PDPR: variants seen among roughly 807,000 people sequenced by gnomAD.
PDPR encodes pyruvate dehydrogenase phosphatase regulatory subunit.
PDPR carries 50 observed loss-of-function variants against 102.2 expected under a neutral mutation model. The ratio of observed to expected loss-of-function variants is 0.49; its 90% confidence interval spans 0.39 to 0.62. The LOEUF (loss-of-function observed/expected upper bound fraction) is 0.62, where lower values mean the gene tolerates loss of function less well. PDPR is among the 20% of genes least tolerant of loss of function. PDPR has a pLI of 0.00. For synonymous variants in PDPR, 259 were observed against 406.0 expected (o/e 0.64, Z 4.35); for missense variants, 625 against 1,098.2 (o/e 0.57, Z 6.09).
Position 70,151,731 on chromosome 16 carries a change from G to C in PDPR, c.2053-1660G>C, listed in dbSNP as rs538806983. ...TGTTCCCATTCTTATGATTTTTCAAGAGTCTAAGAGATTATTTGTGCCACG... is the reference window on the plus strand; with the variant it reads ...TGTTCCCATTCTTATGATTTTTCAACAGTCTAAGAGATTATTTGTGCCACG... On this transcript the variant is annotated intron_variant, in intron 17 of 18. Transcript: ENST00000288050. Among the ~76,000 whole-genome samples the C allele has an allele frequency of 3.9e-5, 6 of 152,398 alleles. No individual in the cohort carries two copies. In the South Asian group the frequency reaches 1.0e-3, roughly 26 times the overall value.
rs1347311310 is a variant in PDPR, at chr16:70,133,907, A to G, written c.997+1607A>G. ...CGCCACCACGCCTGGCTAATTTTGT[A>G]TTTTTAGTAGAGACAGGGTTTCTCC... On this transcript the variant is annotated intron_variant, in intron 9 of 18. Coordinates refer to ENST00000288050, the MANE Select transcript of PDPR (RefSeq NM_017990.5). 3.3e-5 allele frequency among the ~76,000 whole-genome samples: 5 copies of G among 151,694 alleles called. No homozygotes were observed. In the East Asian group the frequency reaches 9.8e-4, roughly 30 times the overall value.
rs1967211449 is a variant in PDPR at position 70,156,470 on chromosome 16, C to A, written c.2236-5C>A. 2 of 1,609,722 alleles carry A rather than the reference C, an allele frequency of 1.2e-6. No homozygotes were observed. On this transcript the variant is annotated splice_polypyrimidine_tract_variant and splice_region_variant and intron_variant, in intron 18 of 18. Coordinates refer to ENST00000288050, the MANE Select transcript of PDPR (RefSeq NM_017990.5). ...GGATGACTCGGCGTTTCCTTTCTTTCTTAGGGCATGGATTTCATTGGTCGC... is the reference window on the plus strand; with the variant it reads ...GGATGACTCGGCGTTTCCTTTCTTTATTAGGGCATGGATTTCATTGGTCGC...
chr16:70,135,299 C>T (rs1368801415), intron 9 of PDPR, among the ~76,000 whole-genome samples: 7 of 150,876 alleles, frequency 4.6e-5, no homozygotes, highest in South Asian at 2.1e-4. Flanking sequence ...TGCAGTGTCA[C>T]GATCTCTGCT....
At position 70,160,297 on chromosome 16, in the gene PDPR, T is replaced by G. The variant is rs557735843; in HGVS notation, c.*3418T>G. The G allele has an allele frequency of 4.4e-4, 68 of 152,870 alleles. 1 individual carries two copies. Among genetic ancestry groups the G allele is most frequent in the African/African-American group, 1.6e-3 (65 of 41,588 alleles). The allele number at this position is 152,870 out of a possible 1,614,324, so 9.5% of individuals were successfully genotyped here. ...TCATTGGTACTGAAGCCAGAAAAGC[T>G]CTCATTCAGGAACTCTGAAGAGCAA... On this transcript the variant is annotated 3_prime_UTR_variant, in exon 19 of 19. Coordinates refer to ENST00000288050, the MANE Select transcript of PDPR (RefSeq NM_017990.5).
At chr16:70,152,155 C>G (rs1966785859) in intron 17 of PDPR, among the ~76,000 whole-genome samples, 4 of 152,278 alleles carry the variant, frequency 2.6e-5, no homozygotes, top group South Asian at 2.1e-4. Context: ...TTGGCTGATT[C>G]AGGTGTTTCC....
At chr16:70,115,658 C>G (rs1359684777) in intron 2 of PDPR, among the ~76,000 whole-genome samples, 1 of 152,196 alleles carries the variant, frequency 6.6e-6, no homozygotes, top group Admixed American at 6.5e-5. Flanking sequence ...TGCAGCCATA[C>G]AGAGGGACAA....
At chr16:70,145,931 C>T (rs1474010120) in intron 15 of PDPR, 12 of 556,768 alleles carry the variant, frequency 2.2e-5, no homozygotes, top group Admixed American at 1.8e-4. Flanking sequence ...AGCCCTGCTG[C>T]GTTCAGCAGG....
intron 17 of PDPR, among the ~76,000 whole-genome samples, chr16:70,149,292 G>T (rs1459144624): frequency 2.0e-5 from 3 of 151,254 alleles, no homozygotes; most frequent in South Asian, 2.1e-4. Context: ...TTGAGGCAGA[G>T]TCTCACTCTG....
intron 17 of PDPR, among the ~76,000 whole-genome samples, chr16:70,149,553 A>G (rs577566898): frequency 2.5e-4 from 38 of 152,376 alleles, no homozygotes; most frequent in Middle Eastern, 3.4e-3. Flanking sequence ...GGCATGAGCT[A>G]CCATGCCCGG....
intron 10 of PDPR, among the ~76,000 whole-genome samples, chr16:70,138,670 C>A (rs676578): frequency 6.6e-6 from 1 of 152,232 alleles, no homozygotes; most frequent in African/African-American, 2.4e-5. Context: ...ATGTTAAATA[C>A]CTCCTAGGGA....
chr16:70,143,425 A>T, intron 13 of PDPR, 85 bp from the exon 14 acceptor site: 1 of 1,513,102 alleles, frequency 6.6e-7, no homozygotes, highest in Non-Finnish European at 9.0e-7. Flanking sequence ...GAATTTTCTC[A>T]ATGAGGTTCA....
chr16:70,154,919 G>A (rs913613777), intron 18 of PDPR, among the ~76,000 whole-genome samples: 7 of 152,228 alleles, frequency 4.6e-5, no homozygotes, highest in Admixed American at 1.3e-4. Context: ...GATTACAGGC[G>A]TGAGACAGCA....
At chr16:70,153,309 G>A (rs1966844067) in intron 17 of PDPR, 82 bp from the exon 18 acceptor site, 1 of 1,395,204 alleles carries the variant, frequency 7.2e-7, no homozygotes, top group Admixed American at 2.3e-5. Flanking sequence ...TGTTAATAGT[G>A]TGAGCCATCA....
intron 2 of PDPR, chr16:70,120,146 A>C (rs1597289890): frequency 3.8e-6 from 1 of 261,116 alleles, no homozygotes; most frequent in Non-Finnish European, 7.6e-6. Flanking sequence ...CGAACCCCTG[A>C]CCTCGTTATC....
intron 3 of PDPR, among the ~76,000 whole-genome samples, chr16:70,125,714 A>G (rs1264948281): frequency 2.2e-4 from 34 of 152,078 alleles, no homozygotes; most frequent in African/African-American, 7.2e-4. Context: ...AGCTCCTGCA[A>G]CCTCTGCCTC....
intron 3 of PDPR, among the ~76,000 whole-genome samples, 179 bp downstream of exon 3, chr16:70,120,898 C>A (rs1297026330): frequency 7.0e-6 from 1 of 143,224 alleles, no homozygotes; most frequent in Non-Finnish European, 1.5e-5. Flanking sequence ...CTCATGTTCT[C>A]TGGTTTTTAG....
rs1371841936 is a variant in PDPR at position 70,160,329 on chromosome 16, A to G, written c.*3450A>G. The G allele has an allele frequency of 6.5e-6, 1 of 152,822 alleles. No individual in the cohort carries two copies. Among genetic ancestry groups the G allele is most frequent in the East Asian group, 1.9e-4 (1 of 5,212 alleles). 9.5% of individuals were successfully genotyped at this position (152,822 alleles called of 1,614,324 possible). A position where few individuals can be genotyped will look rare whatever the true frequency, so the allele number is the denominator to read the frequency against. On this transcript the variant is annotated 3_prime_UTR_variant, in exon 19 of 19. Coordinates refer to ENST00000288050, the MANE Select transcript of PDPR (RefSeq NM_017990.5). ...CAGGAACTCTGAAGAGCAAAAAGGGACAAACACTAACTGCTGAGCTGGGCC... is the reference window on the plus strand; with the variant it reads ...CAGGAACTCTGAAGAGCAAAAAGGGGCAAACACTAACTGCTGAGCTGGGCC...
intron 9 of PDPR, among the ~76,000 whole-genome samples, chr16:70,133,734 T>C (rs954643176): frequency 6.8e-6 from 1 of 147,602 alleles, no homozygotes; most frequent in Non-Finnish European, 1.5e-5. Context: ...CTTTTTTTTG[T>C]TTTTTTGTTT....
At chr16:70,132,908 G>A (rs1296377501) in intron 9 of PDPR, among the ~76,000 whole-genome samples, 3 of 152,216 alleles carry the variant, frequency 2.0e-5, no homozygotes, top group Admixed American at 6.5e-5. Flanking sequence ...AAATTCGTGA[G>A]CTCAAGCAAT....
Sources: gnomAD v4.1 joint callset for allele counts (sites outside exome capture counted in the v4.1 genomes callset) on GRCh38, gnomAD v4.1.1 for gene constraint, MANE v1.5 for transcripts, NCBI Gene and HGNC (gene_info 2026-07-23, HGNC 2026-07-21) for gene names.